Variants in TRMT9B observed in about 807,000 individuals in gnomAD.
TRMT9B encodes tRNA methyltransferase 9B (putative), also known as probable tRNA methyltransferase 9B.
A neutral mutation model predicts 11.5 loss-of-function variants in TRMT9B; 16 were observed. The ratio of observed to expected loss-of-function variants is 1.39; its 90% CI spans 0.94 to 2.11. The LOEUF (loss-of-function observed/expected upper bound fraction) is 2.11, where lower values mean the gene tolerates loss of function less well. Ranked by LOEUF, TRMT9B falls within the 30% of genes most tolerant of loss-of-function variation. The pLI is 0.00. For synonymous variants in TRMT9B, 274 were observed against 192.4 expected (o/e 1.42, Z -3.51); for missense variants, 941 against 553.8 (o/e 1.70, Z -7.02).
chr8:13,011,022 T>G, intron 3 of TRMT9B: 1 of 747,046 alleles, frequency 1.3e-6, no homozygotes, highest in Non-Finnish European at 1.6e-6. Context: ...AACTCTGTCA[T>G]CACCTAGGCT....
intron 1 of TRMT9B, among the ~76,000 whole-genome samples, chr8:12,969,376 A>G (rs907441269): frequency 2.0e-5 from 3 of 152,132 alleles, no homozygotes; most frequent in African/African-American, 7.2e-5. Flanking sequence ...TAAGTAAACA[A>G]TTGCACCCAG....
intron 4 of TRMT9B, among the ~76,000 whole-genome samples, chr8:13,020,427 A>AT (rs1418904527): frequency 6.6e-6 from 1 of 152,180 alleles, no homozygotes; most frequent in Non-Finnish European, 1.5e-5. Context: ...GTATACATTG[A>AT]TTTTTTAAAT....
Position 13,027,439 on chromosome 8 carries a change from C to T in TRMT9B, c.*5395C>T, listed in dbSNP as rs769004047. On this transcript the variant is annotated 3_prime_UTR_variant, in exon 5 of 5. Transcript: ENST00000524591. ...CTAGACGTATTAACATCCTATAGCG[C>T]ACGTGTTCTGTGGGATATATTTCAG... 3 of 167,042 alleles carry T rather than the reference C, an allele frequency of 1.8e-5. No homozygotes were observed. Among genetic ancestry groups the T allele is most frequent in the African/African-American group, 7.2e-5 (3 of 41,438 alleles). 10.3% of individuals were successfully genotyped at this position (167,042 alleles called of 1,614,324 possible). A position where few individuals can be genotyped will look rare whatever the true frequency, so the allele number is the denominator to read the frequency against.
At chr8:13,011,239 G>C (rs1395020589) in intron 3 of TRMT9B, 2 of 904,878 alleles carry the variant, frequency 2.2e-6, no homozygotes, top group Non-Finnish European at 2.6e-6. Context: ...GCCCACCACA[G>C]CCTCCCAAAG....
chr8:13,022,332 G>T lies in TRMT9B; in HGVS notation c.*288G>T. The T allele has an allele frequency of 3.4e-6, 1 of 293,446 alleles. No homozygotes were observed. The highest frequency in any genetic ancestry group is 6.6e-6 in the Non-Finnish European group (1 of 151,370). 18.2% of individuals were successfully genotyped at this position (293,446 alleles called of 1,614,324 possible). ...CCTCAGACTTTTTTTTAACCCCAGA[G>T]AGATAAAATACATGTATAGTGTTTT... On this transcript the variant is annotated 3_prime_UTR_variant, in exon 5 of 5. Transcript: ENST00000524591.
rs950291346 is a variant in TRMT9B, at chr8:13,028,234, G to A, written c.*6190G>A. 1.3e-4 allele frequency: 21 copies of A among 167,098 alleles called. No homozygotes were observed. Among genetic ancestry groups the A allele is most frequent in the African/African-American group, 4.3e-4 (18 of 41,536 alleles). 10.4% of individuals were successfully genotyped at this position (167,098 alleles called of 1,614,324 possible). A position where few individuals can be genotyped will look rare whatever the true frequency, so the allele number is the denominator to read the frequency against. On this transcript the variant is annotated 3_prime_UTR_variant, in exon 5 of 5. Coordinates refer to ENST00000524591, the MANE Select transcript of TRMT9B (RefSeq NM_020844.3). ...GATAATCAATGACTTTATTTGGGAG[G>A]GATTGGAGCTATAGAATAATCTATC...
intron 1 of TRMT9B, among the ~76,000 whole-genome samples, chr8:12,959,621 A>T (rs886894624): frequency 6.8e-6 from 1 of 146,344 alleles, no homozygotes; most frequent in African/African-American, 2.5e-5. Flanking sequence ...CTGGGCTCAA[A>T]TGATCCTCCT....
intron 1 of TRMT9B, among the ~76,000 whole-genome samples, chr8:12,962,487 G>GTTTGTTT (rs930731469): frequency 2.6e-5 from 4 of 151,058 alleles, no homozygotes; most frequent in Admixed American, 2.0e-4. Context: ...TTTTTTTTTC[G>GTTTGTTT]TTTGTTTTTT....
At position 12,965,145 on chromosome 8, in the gene TRMT9B, C is replaced by T. The variant is rs1181967713; in HGVS notation, c.-200+19179C>T. 2.6e-5 allele frequency among the ~76,000 whole-genome samples: 4 copies of T among 152,348 alleles called. No individual in the cohort carries two copies. In the South Asian group the frequency reaches 6.2e-4, roughly 24 times the overall value. ...GGCCATTCTTTCAACTGGTGTTATT[C>T]CCTGCTTCAGTGCAGTTTTCATAAT... On this transcript the variant is annotated intron_variant, in intron 1 of 4. Transcript: ENST00000524591.
At position 13,021,001 on chromosome 8, in the gene TRMT9B, T is replaced by G. The variant is rs746426506; in HGVS notation, c.329-7T>G. On this transcript the variant is annotated splice_region_variant and splice_polypyrimidine_tract_variant and intron_variant, in intron 4 of 4. Coordinates refer to ENST00000524591, the MANE Select transcript of TRMT9B (RefSeq NM_020844.3). ...TACACACTGAGATCTAGTTTTGTCT[T>G]TTTCAGTCATACATCATTTTTCTAC... The G allele has an allele frequency of 3.3e-6, 5 of 1,520,674 alleles. No homozygotes were observed. The highest frequency in any genetic ancestry group is 2.1e-5 in the Admixed American group (1 of 46,676). 94.2% of individuals were successfully genotyped at this position (1,520,674 alleles called of 1,614,324 possible).
chr8:12,997,958 G>C (rs1212381954), intron 2 of TRMT9B, among the ~76,000 whole-genome samples: 1 of 152,098 alleles, frequency 6.6e-6, no homozygotes, highest in East Asian at 1.9e-4. Context: ...ATAGGTGGTG[G>C]GATCCTATTG....
chr8:13,018,516 G>GT (rs1454210672), intron 4 of TRMT9B, among the ~76,000 whole-genome samples: 2 of 151,836 alleles, frequency 1.3e-5, no homozygotes, highest in East Asian at 3.9e-4. Context: ...CGTTTTAAAG[G>GT]TTTTTTTGTC....
rs532354483 is a variant in TRMT9B, at chr8:13,024,945, C to T, written c.*2901C>T. On this transcript the variant is annotated 3_prime_UTR_variant, in exon 5 of 5. Transcript: ENST00000524591. Reference sequence around the variant, plus strand: ...CATTGAAGAGCAAAACTAATGTAAACGTCTTGATCATTTAAAAAGCTTGCT... The same window carrying T: ...CATTGAAGAGCAAAACTAATGTAAATGTCTTGATCATTTAAAAAGCTTGCT... 4 of 166,872 alleles carry T rather than the reference C, an allele frequency of 2.4e-5. No homozygotes were observed. The highest frequency in any genetic ancestry group is 5.9e-5 in the Non-Finnish European group (4 of 68,100). The allele number at this position is 166,872 out of a possible 1,614,324, so 10.3% of individuals were successfully genotyped here.
At chr8:12,951,360 C>T (rs1050759882) in intron 1 of TRMT9B, 12 of 152,310 alleles carry the variant, frequency 7.9e-5, no homozygotes, top group African/African-American at 2.9e-4. Flanking sequence ...CGCGCTAAAG[C>T]CAAGCGTCGT....
At chr8:12,988,311 G>T (rs924615345) in intron 1 of TRMT9B, among the ~76,000 whole-genome samples, 2 of 152,052 alleles carry the variant, frequency 1.3e-5, no homozygotes, top group South Asian at 2.1e-4. Flanking sequence ...CAGATAAGGG[G>T]TATTGACATT....
chr8:13,019,529 A>G (rs1352992482), intron 4 of TRMT9B, among the ~76,000 whole-genome samples: 1 of 152,178 alleles, frequency 6.6e-6, no homozygotes, highest in Non-Finnish European at 1.5e-5. Context: ...CCTGGCCTCA[A>G]GAGTTCCGCC....
At chr8:13,019,286 G>A (rs1318855301) in intron 4 of TRMT9B, among the ~76,000 whole-genome samples, 1 of 152,140 alleles carries the variant, frequency 6.6e-6, no homozygotes. Context: ...TTATATGAGT[G>A]TGTATATATA....
At position 13,017,752 on chromosome 8, in the gene TRMT9B, C is replaced by G. The variant is rs555514814; in HGVS notation, c.329-3256C>G. On this transcript the variant is annotated intron_variant, in intron 4 of 4. Transcript: ENST00000524591. ...CATCAGTTTCCTGAGTAACTTGGAC[C>G]ATAGACACACACCACCACGCCCAGC... Among the ~76,000 whole-genome samples the G allele has an allele frequency of 2.0e-5, 3 of 151,390 alleles. No homozygotes were observed. The East Asian group carries it at 5.9e-4, about 30-fold the overall frequency.
intron 3 of TRMT9B, chr8:13,012,205 G>A: frequency 1.0e-6 from 1 of 985,118 alleles, no homozygotes; most frequent in Non-Finnish European, 1.2e-6. Flanking sequence ...GAATCTGTAA[G>A]TATTCGCCGA....
Sources: gnomAD v4.1 joint callset for allele counts (sites outside exome capture counted in the v4.1 genomes callset) on GRCh38, gnomAD v4.1.1 for gene constraint, MANE v1.5 for transcripts, NCBI Gene and HGNC (gene_info 2026-07-23, HGNC 2026-07-21) for gene names.